Variants in NXPE2 observed in about 807,000 individuals in gnomAD.
The protein encoded by NXPE2 is neurexophilin and PC-esterase domain family member 2, also known as NXPE family member 2.
Under a neutral mutation model 34.4 loss-of-function variants are expected in NXPE2, and 34 were observed. That is an observed-to-expected ratio of 0.99 (90% CI 0.75 to 1.31). The LOEUF (loss-of-function observed/expected upper bound fraction) is 1.31, where lower values mean the gene tolerates loss of function less well. NXPE2 is among the 40% of genes most tolerant of loss of function. The probability of loss-of-function intolerance (pLI) is 0.00; values close to 1 mark genes in which losing one functional copy is unlikely to be tolerated. For missense variants in NXPE2, 649 were observed against 672.5 expected (o/e 0.97, Z 0.39); for synonymous variants, 235 against 231.3 (o/e 1.02, Z -0.15).
chr11:114,804,157 G>T, the NXPE2 span, among the ~76,000 whole-genome samples: 2 of 152,238 alleles, frequency 1.3e-5, no homozygotes, highest in South Asian at 4.2e-4. Context: ...TTGTTTAAAG[G>T]TACTCCCTTT....
chr11:114,541,505 C>T, the NXPE2 span, among the ~76,000 whole-genome samples: 158 of 152,282 alleles, frequency 1.0e-3, no homozygotes, highest in African/African-American at 3.5e-3. Flanking sequence ...CAAATATGAG[C>T]GACCACGACA....
intron 2 of NXPE2, among the ~76,000 whole-genome samples, chr11:114,696,918 TA>T (rs1166140437): frequency 3.3e-5 from 5 of 152,164 alleles, no homozygotes; most frequent in South Asian, 4.1e-4. Context: ...TTCTTGTACA[TA>T]AATATCTATG....
the NXPE2 span, among the ~76,000 whole-genome samples, chr11:114,665,523 G>C: frequency 6.6e-6 from 1 of 152,146 alleles, no homozygotes; most frequent in African/African-American, 2.4e-5. Flanking sequence ...CTCAAAGCAT[G>C]CAAAGAGTTA....
chr11:114,651,732 C>G, the NXPE2 span, among the ~76,000 whole-genome samples: 1 of 152,140 alleles, frequency 6.6e-6, no homozygotes, highest in Non-Finnish European at 1.5e-5. Context: ...TAGTTACACA[C>G]AGAGCGCTGA....
At chr11:114,465,417 A>G in the NXPE2 span, among the ~76,000 whole-genome samples, 2 of 152,212 alleles carry the variant, frequency 1.3e-5, no homozygotes, top group African/African-American at 2.4e-5. Flanking sequence ...GATTTCATTT[A>G]AATAAAATTA....
the NXPE2 span, among the ~76,000 whole-genome samples, chr11:114,497,611 A>AT: frequency 1.3e-5 from 2 of 152,256 alleles, no homozygotes; most frequent in African/African-American, 2.4e-5. Context: ...AGGCAATATC[A>AT]TATAGCCTAG....
At chr11:114,803,581 T>TCC in the NXPE2 span, among the ~76,000 whole-genome samples, 50 of 135,856 alleles carry the variant, frequency 3.7e-4, no homozygotes, top group Middle Eastern at 0.015. Context: ...TCTCTCTCTC[T>TCC]CTCTTTTTTT....
the NXPE2 span, among the ~76,000 whole-genome samples, chr11:114,534,120 G>A: frequency 6.6e-6 from 1 of 152,166 alleles, no homozygotes; most frequent in African/African-American, 2.4e-5. Flanking sequence ...CAGCATTTGC[G>A]GTTAACCAAT....
At chr11:114,609,396 G>A in the NXPE2 span, among the ~76,000 whole-genome samples, 26,880 of 151,080 alleles carry the variant, frequency 0.18, 2,799 homozygotes, top group Non-Finnish European at 0.22. Context: ...GTATTGCATC[G>A]CTGGTAACCA....
chr11:114,599,848 A>C, the NXPE2 span, among the ~76,000 whole-genome samples: 1 of 152,154 alleles, frequency 6.6e-6, no homozygotes, highest in African/African-American at 2.4e-5. Context: ...CAGCTCCAAC[A>C]CTGGGGATTA....
At chr11:114,749,756 C>T in the NXPE2 span, among the ~76,000 whole-genome samples, 1 of 152,180 alleles carries the variant, frequency 6.6e-6, no homozygotes, top group African/African-American at 2.4e-5. Context: ...CTAACACTCA[C>T]ACTGGCCGTC....
At chr11:114,633,617 C>G in the NXPE2 span, among the ~76,000 whole-genome samples, 1 of 150,180 alleles carries the variant, frequency 6.7e-6, no homozygotes, top group Non-Finnish European at 1.5e-5. Flanking sequence ...TCCCACCCTG[C>G]CCCCAGCCCA....
the NXPE2 span, among the ~76,000 whole-genome samples, chr11:114,470,698 A>C: frequency 6.6e-6 from 1 of 151,874 alleles, no homozygotes; most frequent in Non-Finnish European, 1.5e-5. Context: ...TCTGTAGGGC[A>C]CACTGGCCAC....
chr11:114,482,357 C>T, the NXPE2 span, among the ~76,000 whole-genome samples: 14 of 152,232 alleles, frequency 9.2e-5, no homozygotes, highest in East Asian at 2.7e-3. Flanking sequence ...TGCAGTTTAA[C>T]AAACTGAGTT....
At chr11:114,681,818 A>G (rs572909898) in intron 2 of NXPE2, among the ~76,000 whole-genome samples, 1 of 152,258 alleles carries the variant, frequency 6.6e-6, no homozygotes, top group South Asian at 2.1e-4. Context: ...TTCCTGTATA[A>G]TTTTTATACC....
At chr11:114,498,111 G>A in the NXPE2 span, among the ~76,000 whole-genome samples, 3 of 151,946 alleles carry the variant, frequency 2.0e-5, no homozygotes, top group East Asian at 3.9e-4. Context: ...TTTCTGTATC[G>A]ATGTCAATAT....
the NXPE2 span, among the ~76,000 whole-genome samples, chr11:114,606,892 T>TA: frequency 6.6e-6 from 1 of 151,856 alleles, no homozygotes. Flanking sequence ...GCCTCATGGG[T>TA]AACCACTGTT....
chr11:114,569,711 C>G, the NXPE2 span, among the ~76,000 whole-genome samples: 1 of 152,088 alleles, frequency 6.6e-6, no homozygotes, highest in Non-Finnish European at 1.5e-5. Context: ...CGTCAAACCC[C>G]TGGACTCAAG....
chr11:114,737,297 C>T, the NXPE2 span, among the ~76,000 whole-genome samples: 2 of 152,070 alleles, frequency 1.3e-5, no homozygotes, highest in Non-Finnish European at 2.9e-5. Context: ...CCCATCTTCA[C>T]CAATATGAGC....
Sources: gnomAD v4.1 joint callset for allele counts (sites outside exome capture counted in the v4.1 genomes callset) on GRCh38, gnomAD v4.1.1 for gene constraint, MANE v1.5 for transcripts, NCBI Gene and HGNC (gene_info 2026-07-23, HGNC 2026-07-21) for gene names.